The following MSRA variants were observed in gnomAD, a reference collection of about 807,000 sequenced individuals.
MSRA encodes methionine sulfoxide reductase A, also known as mitochondrial peptide methionine sulfoxide reductase.
In MSRA, 54 loss-of-function variants were observed where a neutral mutation model predicts 31.3. The ratio of observed to expected loss-of-function variants is 1.73; its 90% CI spans 1.39 to 2.17. MSRA has a LOEUF of 2.17. Among genes scored for constraint, MSRA ranks in the 30% most tolerant of loss-of-function variants. MSRA has a pLI of 0.00. For missense variants in MSRA, 507 were observed against 300.9 expected, an observed-to-expected ratio of 1.69 and a Z score of -5.07; for synonymous variants, 169 against 116.5, an observed-to-expected ratio of 1.45 and a Z score of -2.90.
At chr8:10,156,085 G>A (rs886209237) in intron 1 of MSRA, among the ~76,000 whole-genome samples, 15 of 152,144 alleles carry the variant, frequency 9.9e-5, no homozygotes, top group Non-Finnish European at 1.5e-4. Flanking sequence ...GGGAAGAGTG[G>A]CTTCGATGCT....
intron 3 of MSRA, among the ~76,000 whole-genome samples, chr8:10,285,516 C>T (rs1463023084): frequency 6.6e-6 from 1 of 152,144 alleles, no homozygotes; most frequent in Non-Finnish European, 1.5e-5. Context: ...AGCTGCTCTT[C>T]TAGCTGTCTG....
At chr8:10,424,675 G>T (rs1208769847) in intron 5 of MSRA, among the ~76,000 whole-genome samples, 1 of 152,176 alleles carries the variant, frequency 6.6e-6, no homozygotes, top group Non-Finnish European at 1.5e-5. Flanking sequence ...AGAAGGGCCC[G>T]GGGTGGGTTG....
chr8:10,159,202 G>A (rs1303051528), intron 1 of MSRA, among the ~76,000 whole-genome samples: 5 of 152,228 alleles, frequency 3.3e-5, no homozygotes, highest in Admixed American at 6.5e-5. Flanking sequence ...TTGGTCAGAT[G>A]TGAGGATTGG....
chr8:10,204,664 C>A (rs1432149472), intron 1 of MSRA, among the ~76,000 whole-genome samples: 1 of 152,200 alleles, frequency 6.6e-6, no homozygotes, highest in Admixed American at 6.5e-5. Flanking sequence ...AATGACCTGA[C>A]AACACATAGA....
intron 1 of MSRA, among the ~76,000 whole-genome samples, chr8:10,128,740 C>G (rs1441147534): frequency 6.6e-6 from 1 of 152,192 alleles, no homozygotes; most frequent in South Asian, 2.1e-4. Flanking sequence ...GGAAGAGTTG[C>G]TTAAAACTTC....
At chr8:10,329,764 G>C (rs563324172) in intron 5 of MSRA, among the ~76,000 whole-genome samples, 196 of 151,666 alleles carry the variant, frequency 1.3e-3, no homozygotes, top group Admixed American at 3.6e-3. Flanking sequence ...GGCTTGCCCT[G>C]AACCCCAGAA....
intron 3 of MSRA, among the ~76,000 whole-genome samples, chr8:10,294,228 A>T (rs959677086): frequency 2.0e-5 from 3 of 152,204 alleles, no homozygotes; most frequent in African/African-American, 7.2e-5. Context: ...AATAATTTTT[A>T]AAAAGAATCA....
intron 2 of MSRA, among the ~76,000 whole-genome samples, chr8:10,220,489 C>G (rs192813594): frequency 6.6e-6 from 1 of 152,196 alleles, no homozygotes; most frequent in Non-Finnish European, 1.5e-5. Context: ...CTTCCAGAAC[C>G]AAGCCTACTC....
rs568546773 is a variant in MSRA at position 10,064,654 on chromosome 8, G to C, written c.142+9996G>C. ...GAATTCTTTCAAAGATGTTACCATA[G>C]GAAAGTAATACTAGTGTTGAATTTT... On this transcript the variant is annotated intron_variant, in intron 1 of 5. Transcript: ENST00000317173. 3.6e-4 allele frequency among the ~76,000 whole-genome samples: 55 copies of C among 152,240 alleles called. No individual in the cohort carries two copies. The South Asian group carries it at 4.8e-3, about 13-fold the overall frequency.
intron 5 of MSRA, among the ~76,000 whole-genome samples, chr8:10,353,390 C>G (rs142649055): frequency 6.6e-6 from 1 of 152,176 alleles, no homozygotes; most frequent in Non-Finnish European, 1.5e-5. Context: ...CAGGGCCGTC[C>G]GTGGCGTGTA....
chr8:10,285,607 G>A (rs1027243420), intron 3 of MSRA, among the ~76,000 whole-genome samples: 1 of 151,802 alleles, frequency 6.6e-6, no homozygotes, highest in Non-Finnish European at 1.5e-5. Flanking sequence ...CCATCTCAAT[G>A]TATTTTGTAC....
intron 1 of MSRA, among the ~76,000 whole-genome samples, chr8:10,092,687 G>A (rs910332003): frequency 1.3e-5 from 2 of 151,914 alleles, no homozygotes; most frequent in African/African-American, 4.8e-5. Context: ...TTGTTTGGTA[G>A]ATGTCTGTTG....
intron 1 of MSRA, among the ~76,000 whole-genome samples, chr8:10,112,681 A>G (rs1800375845): frequency 6.6e-6 from 1 of 152,156 alleles, no homozygotes; most frequent in African/African-American, 2.4e-5. Context: ...TAAATATGCA[A>G]CTCTAATGTA....
Position 10,067,153 on chromosome 8 carries a change from C to G in MSRA, c.142+12495C>G, listed in dbSNP as rs894725011. On this transcript the variant is annotated intron_variant, in intron 1 of 5. Coordinates refer to ENST00000317173, the MANE Select transcript of MSRA (RefSeq NM_012331.5). ...ATGCCTTCACTGCCTTAAAAGTCCT[C>G]TGTGCTTTACCTATTTGTCCATCTC... 2.0e-5 allele frequency among the ~76,000 whole-genome samples: 3 copies of G among 152,162 alleles called. No homozygotes were observed. The South Asian group carries it at 6.2e-4, about 31-fold the overall frequency.
intron 1 of MSRA, among the ~76,000 whole-genome samples, chr8:10,114,606 G>C (rs1223976914): frequency 1.3e-5 from 2 of 152,170 alleles, no homozygotes; most frequent in Non-Finnish European, 2.9e-5. Context: ...ATCCACAGTT[G>C]GGATTTTGCT....
intron 1 of MSRA, among the ~76,000 whole-genome samples, chr8:10,065,214 G>A (rs747994393): frequency 1.3e-5 from 2 of 152,030 alleles, no homozygotes; most frequent in Non-Finnish European, 2.9e-5. Flanking sequence ...AGAGCCCCAG[G>A]GTGTCCAGGT....
rs1433104608 is a variant in MSRA, at chr8:10,242,322, A to G, written c.212-2782A>G. Among the ~76,000 whole-genome samples the G allele has an allele frequency of 2.0e-5, 3 of 152,048 alleles. No homozygotes were observed. The East Asian group carries it at 5.8e-4, about 29-fold the overall frequency. On this transcript the variant is annotated intron_variant, in intron 2 of 5. Transcript: ENST00000317173. The stretch of plus-strand genomic sequence containing the variant: ...TATCAAATTTAAAAAAATGAGCAAG[A>G]CTATAATGTCAGGGGTGGACACTTA...
At chr8:10,404,376 G>T (rs1807662780) in intron 5 of MSRA, among the ~76,000 whole-genome samples, 1 of 152,204 alleles carries the variant, frequency 6.6e-6, no homozygotes, top group Admixed American at 6.5e-5. Flanking sequence ...TGCTGCCAGG[G>T]AGGCAGGGAA....
intron 1 of MSRA, among the ~76,000 whole-genome samples, chr8:10,147,109 G>C (rs558826016): frequency 9.2e-5 from 14 of 152,260 alleles, no homozygotes; most frequent in African/African-American, 3.1e-4. Context: ...GGGACACAGA[G>C]AGCAGAATGT....
Sources: gnomAD v4.1 joint callset for allele counts (sites outside exome capture counted in the v4.1 genomes callset) on GRCh38, gnomAD v4.1.1 for gene constraint, MANE v1.5 for transcripts, NCBI Gene and HGNC (gene_info 2026-07-23, HGNC 2026-07-21) for gene names.